TMEM117: variants seen among roughly 807,000 people sequenced by gnomAD.
The protein encoded by TMEM117 is transmembrane protein 117.
TMEM117 carries 27 observed loss-of-function variants against 52.4 expected under a neutral mutation model. That is an observed-to-expected ratio of 0.51 (90% CI 0.38 to 0.71). The LOEUF (loss-of-function observed/expected upper bound fraction) is 0.71. TMEM117 is among the 30% of genes least tolerant of loss of function. TMEM117 has a pLI of 0.00. For missense variants in TMEM117, 556 were observed against 630.5 expected (o/e 0.88, Z 1.26); for synonymous variants, 215 against 206.3 (o/e 1.04, Z -0.36).
intron 3 of TMEM117, among the ~76,000 whole-genome samples, chr12:44,138,566 T>C (rs1383091974): frequency 6.6e-6 from 1 of 152,202 alleles, no homozygotes; most frequent in African/African-American, 2.4e-5. Flanking sequence ...GTCTTCCTTA[T>C]AGAACTTAGA....
At chr12:44,169,783 G>C (rs1228997290) in intron 4 of TMEM117, among the ~76,000 whole-genome samples, 1 of 152,062 alleles carries the variant, frequency 6.6e-6, no homozygotes, top group African/African-American at 2.4e-5. Context: ...TCATTAAAAA[G>C]TCAGGAAACA....
At chr12:43,930,786 A>G (rs771012202) in intron 2 of TMEM117, among the ~76,000 whole-genome samples, 1 of 152,210 alleles carries the variant, frequency 6.6e-6, no homozygotes, top group Non-Finnish European at 1.5e-5. Context: ...GTCTGATTTT[A>G]AGATCTTTTT....
chr12:44,143,080 T>A (rs990296220), intron 3 of TMEM117, among the ~76,000 whole-genome samples: 1 of 152,224 alleles, frequency 6.6e-6, no homozygotes, highest in Non-Finnish European at 1.5e-5. Flanking sequence ...TCAGGTATGA[T>A]GTTATATCTA....
intron 4 of TMEM117, among the ~76,000 whole-genome samples, chr12:44,209,094 C>T (rs1167208053): frequency 6.6e-6 from 1 of 152,010 alleles, no homozygotes; most frequent in African/African-American, 2.4e-5. Context: ...ATATTTGACA[C>T]TAGACCTGTT....
intron 6 of TMEM117, among the ~76,000 whole-genome samples, chr12:44,304,065 G>T (rs1005861604): frequency 6.6e-6 from 1 of 152,158 alleles, no homozygotes; most frequent in African/African-American, 2.4e-5. Flanking sequence ...CACAGTGCTT[G>T]GTTTTAACAT....
intron 3 of TMEM117, among the ~76,000 whole-genome samples, chr12:44,132,436 C>T (rs1187998117): frequency 6.6e-6 from 1 of 151,990 alleles, no homozygotes. Flanking sequence ...CCTAACAACT[C>T]ATTGTGAAAG....
At chr12:43,831,618 A>T (rs959890292), upstream of TMEM117, among the ~76,000 whole-genome samples, 1 of 150,414 alleles carries the variant, frequency 6.6e-6, no homozygotes, top group African/African-American at 2.5e-5. Flanking sequence ...ATCTTGGCTC[A>T]CTGCAACCTC....
At chr12:43,804,309 C>T in the TMEM117 span, 1 of 588,182 alleles carries the variant, frequency 1.7e-6, no homozygotes, top group Non-Finnish European at 3.1e-6. Flanking sequence ...CTGATAGTCA[C>T]ATAATTCAGA....
intron 6 of TMEM117, among the ~76,000 whole-genome samples, chr12:44,314,567 CTTT>C (rs755148669): frequency 3.8e-5 from 5 of 130,588 alleles, no homozygotes; most frequent in African/African-American, 8.3e-5. Flanking sequence ...GTTTCTTCTT[CTTT>C]TTTTTTTTTT....
intron 2 of TMEM117, among the ~76,000 whole-genome samples, chr12:43,863,402 G>C (rs533067657): frequency 1.2e-4 from 18 of 152,290 alleles, no homozygotes; most frequent in Admixed American, 2.6e-4. Context: ...CCATCATAGA[G>C]TTTTCAGCAG....
At chr12:44,018,715 C>A (rs538987395) in intron 3 of TMEM117, among the ~76,000 whole-genome samples, 1 of 149,924 alleles carries the variant, frequency 6.7e-6, no homozygotes, top group Admixed American at 6.7e-5. Context: ...TTCTTTTTTT[C>A]TTTTTCTTTC....
At chr12:43,826,805 A>G in the TMEM117 span, among the ~76,000 whole-genome samples, 1 of 152,238 alleles carries the variant, frequency 6.6e-6, no homozygotes, top group Middle Eastern at 3.4e-3. Context: ...TGCAAGCCTC[A>G]TTCTAATAGA....
chr12:44,281,535 C>T (rs1247321812), intron 5 of TMEM117, among the ~76,000 whole-genome samples: 2 of 152,100 alleles, frequency 1.3e-5, no homozygotes, highest in Non-Finnish European at 2.9e-5. Context: ...TTATTTTTAA[C>T]CCAGTATATA....
the TMEM117 span, among the ~76,000 whole-genome samples, chr12:43,824,437 A>C: frequency 6.6e-6 from 1 of 152,206 alleles, no homozygotes; most frequent in Non-Finnish European, 1.5e-5. Context: ...TAGCAGCTCT[A>C]GTTCTCTCAA....
At chr12:43,818,001 A>T in the TMEM117 span, among the ~76,000 whole-genome samples, 1 of 152,338 alleles carries the variant, frequency 6.6e-6, no homozygotes, top group Non-Finnish European at 1.5e-5. Flanking sequence ...GTTATAGCAC[A>T]GGTATATACT....
chr12:43,877,590 G>A (rs1004341758), intron 2 of TMEM117, among the ~76,000 whole-genome samples: 9 of 150,620 alleles, frequency 6.0e-5, no homozygotes, highest in South Asian at 2.1e-4. Context: ...AGCAGAGATC[G>A]TGTCACTGCA....
chr12:44,391,903 T>C (rs1219191031), downstream of TMEM117, among the ~76,000 whole-genome samples: 3 of 152,300 alleles, frequency 2.0e-5, no homozygotes, highest in East Asian at 3.9e-4. Context: ...CTCACTACTC[T>C]ATCTGGCCTG....
intron 2 of TMEM117, among the ~76,000 whole-genome samples, chr12:43,906,452 G>A (rs1163678483): frequency 7.9e-6 from 1 of 126,414 alleles, no homozygotes; most frequent in African/African-American, 2.6e-5. Flanking sequence ...GAGGGAGTGA[G>A]ACGCTGTCTC....
At position 44,302,267 on chromosome 12, in the gene TMEM117, C is replaced by T. The variant is rs55833086; in HGVS notation, c.768+2528C>T. On this transcript the variant is annotated intron_variant, in intron 6 of 7. Transcript: ENST00000266534. The stretch of plus-strand genomic sequence containing the variant: ...ATATTGTCCATGACTCCTCATTGTC[C>T]GAGAGGAGAGTCCAGCCTCTGGGAG... Among the ~76,000 whole-genome samples, 204 of 152,236 alleles carry T rather than the reference C, an allele frequency of 1.3e-3. 1 individual carries two copies. The highest frequency in any genetic ancestry group is 2.2e-3 in the Admixed American group (33 of 15,298).
Sources: gnomAD v4.1 joint callset for allele counts (sites outside exome capture counted in the v4.1 genomes callset) on GRCh38, gnomAD v4.1.1 for gene constraint, MANE v1.5 for transcripts, NCBI Gene and HGNC (gene_info 2026-07-23, HGNC 2026-07-21) for gene names.